Variants in CEP350 observed in about 807,000 individuals in gnomAD.
CEP350 encodes the protein centrosomal protein 350, also known as centrosome-associated protein 350.
Under a neutral mutation model 331.8 loss-of-function variants are expected in CEP350, and 126 were observed. The observed-to-expected ratio is 0.38, with a 90% CI of 0.33 to 0.44. CEP350 has a LOEUF of 0.44. Ranked by LOEUF, CEP350 falls within the 20% of genes least tolerant of loss-of-function variation. The pLI is 1.00. For missense variants in CEP350, 3,406 were observed against 3,634.6 expected (o/e 0.94, Z 1.62); for synonymous variants, 1,200 against 1,259.5 (o/e 0.95, Z 1.00).
At chr1:180,027,838 G>A (rs1655779822) in intron 14 of CEP350, among the ~76,000 whole-genome samples, 1 of 151,988 alleles carries the variant, frequency 6.6e-6, no homozygotes, top group South Asian at 2.1e-4. Context: ...TCCTATAGGG[G>A]AAAATCCTAG....
Position 180,114,006 on chromosome 1 carries a change from A to G in CEP350, c.*2845A>G. The G allele has an allele frequency of 6.5e-6, 1 of 152,756 alleles. No individual in the cohort carries two copies. The allele number at this position is 152,756 out of a possible 1,614,324, so 9.5% of individuals were successfully genotyped here. On this transcript the variant is annotated 3_prime_UTR_variant, in exon 38 of 38. Coordinates refer to ENST00000367607, the MANE Select transcript of CEP350 (RefSeq NM_014810.5). Reference sequence around the variant, plus strand: ...AGGTCTACACAGGAATTTTTACCATAGGGAAAAGTGGGGAGAGCTCAAACG... The same window carrying G: ...AGGTCTACACAGGAATTTTTACCATGGGGAAAAGTGGGGAGAGCTCAAACG...
At chr1:180,001,522 G>A (rs549019321) in intron 6 of CEP350, among the ~76,000 whole-genome samples, 5 of 152,266 alleles carry the variant, frequency 3.3e-5, no homozygotes, top group African/African-American at 9.6e-5. Flanking sequence ...GCCTCCCAAA[G>A]TGCTGGGATT....
At chr1:179,993,687 T>C (rs561654208) in intron 5 of CEP350, among the ~76,000 whole-genome samples, 236 of 152,068 alleles carry the variant, frequency 1.6e-3, no homozygotes, top group Non-Finnish European at 2.4e-3. Flanking sequence ...AAGTGTTCTG[T>C]CTGCCTCGGC....
intron 7 of CEP350, among the ~76,000 whole-genome samples, chr1:180,006,037 C>T (rs1654233503): frequency 1.3e-5 from 2 of 152,098 alleles, no homozygotes; most frequent in South Asian, 4.2e-4. Flanking sequence ...ATAAAGAGGC[C>T]TTAATTTAAG....
rs71118426 is a variant in CEP350, at chr1:180,007,839, CGTGTGTGTGTGTGTGTGTGT to C, written c.1246+1293_1246+1312del. On this transcript the variant is annotated intron_variant, in intron 8 of 37. Transcript: ENST00000367607. ...TAAAAAATTAATACATTTTATGTATCGTGTGTGTGTGTGTGTGTGTGTGTGTGTGTGTGTGTGTGTTAAGG... is the reference window on the plus strand; with the variant it reads ...TAAAAAATTAATACATTTTATGTATCGTGTGTGTGTGTGTGTGTGTTAAGG... 4.3e-5 allele frequency among the ~76,000 whole-genome samples: 6 copies of C among 140,908 alleles called. No homozygotes were observed. In the South Asian group the frequency reaches 7.1e-4, roughly 17 times the overall value. 92.4% of individuals were successfully genotyped at this position (140,908 alleles called of 152,430 possible). A position where few individuals can be genotyped will look rare whatever the true frequency, so the allele number is the denominator to read the frequency against.
At chr1:180,108,068 G>T (rs1661245106) in intron 37 of CEP350, among the ~76,000 whole-genome samples, 1 of 152,028 alleles carries the variant, frequency 6.6e-6, no homozygotes, top group Admixed American at 6.6e-5. Flanking sequence ...TCCAAATTGG[G>T]CTCTGAGCTT....
At chr1:180,081,891 T>A (rs1320897895) in intron 30 of CEP350, among the ~76,000 whole-genome samples, 1 of 152,254 alleles carries the variant, frequency 6.6e-6, no homozygotes, top group Non-Finnish European at 1.5e-5. Flanking sequence ...ATAGAATCAT[T>A]GAGTCAGGCC....
rs547062934 is a variant in CEP350, at chr1:180,025,731, C to T, written c.3550+1149C>T. 2.6e-5 allele frequency among the ~76,000 whole-genome samples: 4 copies of T among 152,218 alleles called. No homozygotes were observed. In the South Asian group the frequency reaches 8.3e-4, roughly 32 times the overall value. On this transcript the variant is annotated intron_variant, in intron 14 of 37. Transcript: ENST00000367607. ...CATGGACACGGGGAGGGGATCATCA[C>T]ACACTGGGACCTGTCGGGGGGTTAG...
chr1:180,062,259 C>T lies in CEP350; in HGVS notation c.5302C>T (p.Arg1768Trp), dbSNP rs760637292. 24 of 1,609,362 alleles carry T rather than the reference C, an allele frequency of 1.5e-5. No individual in the cohort carries two copies. The East Asian group carries it at 3.1e-4, about 21-fold the overall frequency. Residue 1768 changes from arginine to tryptophan, a missense_variant, in exon 26 of 38, where the codon CGG becomes TGG. Coordinates refer to ENST00000367607, the MANE Select transcript of CEP350 (RefSeq NM_014810.5). ...TCTTCAAGAAGCCAATAAGGCAGCT[C>T]GGAAGGAAAGACAGCTGATTCTTAA... is the stretch of plus-strand genomic sequence containing the variant. ...KRLQEANKAA[R>W]KERQLILKQQ...
At chr1:179,998,292 T>G (rs1281087093) in intron 6 of CEP350, among the ~76,000 whole-genome samples, 1 of 141,084 alleles carries the variant, frequency 7.1e-6, no homozygotes, top group Non-Finnish European at 1.6e-5. Context: ...ATAATTTGTT[T>G]CTTCTATTTT....
At chr1:180,021,460 C>G (rs974810032) in intron 12 of CEP350, among the ~76,000 whole-genome samples, 1 of 152,070 alleles carries the variant, frequency 6.6e-6, no homozygotes, top group African/African-American at 2.4e-5. Flanking sequence ...TCAAGACCAG[C>G]CTGGCCAACA....
chr1:180,058,779 C>A (rs1446331836), intron 25 of CEP350, among the ~76,000 whole-genome samples: 1 of 151,906 alleles, frequency 6.6e-6, no homozygotes, highest in East Asian at 1.9e-4. Context: ...TGAAAAGTTG[C>A]CTTATATGTT....
intron 7 of CEP350, among the ~76,000 whole-genome samples, chr1:180,004,906 G>GCTTGCTTGCTTTCTTGCTTTCTTTCTTT (rs1363516834): frequency 6.1e-5 from 8 of 130,796 alleles, no homozygotes; most frequent in African/African-American, 2.5e-4. Flanking sequence ...TTGCTTGCTT[G>GCTTGCTTGCTTTCTTGCTTTCTTTCTTT]CTTTCTTTCT....
Position 180,093,814 on chromosome 1 carries a change from T to C in CEP350, c.7709T>C (p.Phe2570Ser). ...PQKISHIPEN[F>S]DDYVDINEDE... is the part of the protein sequence containing the mutation. ...AAAATATCTCACATTCCAGAAAACT[T>C]TGATGACTATGTAGACATTAATGAA... The change falls in exon 34 of 38, where the codon TTT (phenylalanine) becomes TCT (serine). Residue 2570 changes from phenylalanine to serine, a missense_variant. This residue lies in a region of CEP350 where 1,415 missense variants were observed against 1,512.3 expected (regional missense o/e 0.94). Transcript: ENST00000367607. 6.2e-7 allele frequency: 1 copy of C among 1,613,922 alleles called. No individual in the cohort carries two copies. Among genetic ancestry groups the C allele is most frequent in the Non-Finnish European group, 8.5e-7 (1 of 1,179,860 alleles).
chr1:180,022,594 A>T (rs1655399825), intron 12 of CEP350, 104 bp from the exon 13 acceptor site: 1 of 916,624 alleles, frequency 1.1e-6, no homozygotes, highest in East Asian at 2.7e-5. Flanking sequence ...AAAGGAAACT[A>T]AAATGTCCCT....
chr1:180,008,959 A>G (rs2148783944), intron 8 of CEP350, among the ~76,000 whole-genome samples: 1 of 152,362 alleles, frequency 6.6e-6, no homozygotes, highest in Non-Finnish European at 1.5e-5. Flanking sequence ...CTATATACAG[A>G]TAAAAAAATA....
chr1:179,972,816 C>T (rs533901309), intron 1 of CEP350, among the ~76,000 whole-genome samples: 2 of 151,708 alleles, frequency 1.3e-5, no homozygotes, highest in Admixed American at 6.6e-5. Flanking sequence ...GGATGGCAAC[C>T]ACATTGGAGT....
intron 1 of CEP350, among the ~76,000 whole-genome samples, chr1:179,960,813 T>A (rs1650550679): frequency 6.6e-6 from 1 of 152,162 alleles, no homozygotes; most frequent in Admixed American, 6.5e-5. Context: ...ACATATTTAT[T>A]TTTCGATCTG....
At chr1:180,063,820 A>T (rs562232680) in intron 26 of CEP350, among the ~76,000 whole-genome samples, 1 of 151,806 alleles carries the variant, frequency 6.6e-6, no homozygotes, top group South Asian at 2.1e-4. Context: ...CTCAAAAAAA[A>T]ATCATTATAG....
Sources: allele counts gnomAD v4.1 joint callset (sites outside exome capture counted in the v4.1 genomes callset), GRCh38; gene constraint gnomAD v4.1.1; regional missense constraint gnomAD v4.1.1; transcripts MANE v1.5; gene names NCBI Gene and HGNC (gene_info 2026-07-23, HGNC 2026-07-21).